SPATA6: variants seen among roughly 807,000 people sequenced by gnomAD.
SPATA6 encodes spermatogenesis associated 6.
Under a neutral mutation model 65.3 loss-of-function variants are expected in SPATA6, and 56 were observed. That is an observed-to-expected ratio of 0.86 (90% CI 0.69 to 1.07). The LOEUF is 1.07. Among genes scored for constraint, SPATA6 ranks in the 50% least tolerant of loss-of-function variants. The pLI is 0.00. For synonymous variants in SPATA6, 199 were observed against 213.2 expected (o/e 0.93, Z 0.58); for missense variants, 590 against 594.8 (o/e 0.99, Z 0.08).
In SPATA6 at chr1:48,423,704, T is replaced by C. The variant is rs370396112; in HGVS notation, c.239-10553A>G. Among the ~76,000 whole-genome samples, 38 of 151,586 alleles carry C rather than the reference T, an allele frequency of 2.5e-4. No homozygotes were observed. The East Asian group carries it at 3.6e-3, about 14-fold the overall frequency. On this transcript the variant is annotated intron_variant, in intron 3 of 12. Coordinates refer to ENST00000371847, the MANE Select transcript of SPATA6 (RefSeq NM_019073.4). ...CTGGAATTATAGGCATCCGCCACCA[T>C]GCCCGGCTAATGTTTGTATTTAGTA... is the stretch of plus-strand genomic sequence containing the variant.
rs763543049 is a variant in SPATA6, at chr1:48,399,628, T to C, written c.503A>G (p.His168Arg). 17 of 1,595,962 alleles carry C rather than the reference T, an allele frequency of 1.1e-5. No individual in the cohort carries two copies. The highest frequency in any genetic ancestry group is 1.5e-5 in the Non-Finnish European group (17 of 1,171,508). Reference protein sequence around the residue: ...KCHTQDKFIYHLAPVEKSHGR... With the variant: ...KCHTQDKFIYRLAPVEKSHGR... ...ATGTGATTTTTCAACTGGAGCCAAA[T>C]GGTAAATAAATTTATCCTAAACATA... Residue 168 changes from histidine to arginine, a missense_variant, in exon 7 of 13, where the codon CAT becomes CGT. Transcript: ENST00000371847.
At chr1:48,284,709 T>G in the SPATA6 span, among the ~76,000 whole-genome samples, 5 of 152,108 alleles carry the variant, frequency 3.3e-5, no homozygotes, top group Admixed American at 6.5e-5. Context: ...TGTGCTGGAG[T>G]TTGCTAGATG....
chr1:48,304,663 A>G (rs1052270550), intron 12 of SPATA6, among the ~76,000 whole-genome samples: 2 of 152,174 alleles, frequency 1.3e-5, no homozygotes, highest in East Asian at 3.9e-4. Flanking sequence ...CTCTTAAAAT[A>G]CAGATTTCCA....
At chr1:48,351,241 G>C (rs1421186086) in intron 11 of SPATA6, among the ~76,000 whole-genome samples, 6 of 151,854 alleles carry the variant, frequency 4.0e-5, no homozygotes, top group African/African-American at 7.2e-5. Context: ...CTTTTCTCTA[G>C]ATCCTTTAGA....
At chr1:48,313,741 C>A (rs865959503) in intron 11 of SPATA6, among the ~76,000 whole-genome samples, 30 of 152,116 alleles carry the variant, frequency 2.0e-4, no homozygotes, top group African/African-American at 7.0e-4. Context: ...TTAAAAGACA[C>A]AGACTGGCAA....
chr1:48,376,035 T>G (rs967035974), intron 9 of SPATA6, among the ~76,000 whole-genome samples: 35 of 152,294 alleles, frequency 2.3e-4, no homozygotes, highest in African/African-American at 8.4e-4. Context: ...AAATATAAAA[T>G]GTTAAAACCA....
At chr1:48,321,382 T>A (rs1272342123) in intron 11 of SPATA6, among the ~76,000 whole-genome samples, 1 of 152,150 alleles carries the variant, frequency 6.6e-6, no homozygotes, top group African/African-American at 2.4e-5. Context: ...GTAGCTAAAC[T>A]GATATCAGAT....
At position 48,305,791 on chromosome 1, in the gene SPATA6, A is replaced by G; in HGVS notation, c.1282T>C (p.Tyr428His). 1 of 1,608,056 alleles carries G rather than the reference A, an allele frequency of 6.2e-7. No homozygotes were observed. Among genetic ancestry groups the G allele is most frequent in the South Asian group, 1.1e-5 (1 of 90,576 alleles). Residue 428 changes from tyrosine (Y) to histidine (H), a missense_variant, in exon 12 of 13, where the codon TAT becomes CAT. Physicochemically the swap from Tyr to His is moderately conservative, Grantham distance 83. Transcript: ENST00000371847. ...RDSAYDSDPEYSSCQQPRGTF... is the reference protein window; with the variant it reads ...RDSAYDSDPEHSSCQQPRGTF... ...ATACATATATTTCATTCATACCTAT[A>G]CTCGGGGTCACTGTCATAGGCAGAG...
At chr1:48,430,566 C>T (rs147453749) in intron 3 of SPATA6, among the ~76,000 whole-genome samples, 18 of 152,092 alleles carry the variant, frequency 1.2e-4, no homozygotes, top group African/African-American at 2.6e-4. Flanking sequence ...GGTAAATATG[C>T]GGGAAGTTAT....
At chr1:48,345,938 T>C (rs563984583) in intron 11 of SPATA6, among the ~76,000 whole-genome samples, 1 of 152,220 alleles carries the variant, frequency 6.6e-6, no homozygotes, top group Admixed American at 6.6e-5. Context: ...GTACTATTCT[T>C]ACTGAAACTA....
chr1:48,309,418 T>G (rs1645143869), intron 11 of SPATA6, among the ~76,000 whole-genome samples: 1 of 152,132 alleles, frequency 6.6e-6, no homozygotes, highest in Non-Finnish European at 1.5e-5. Context: ...TCTGGAGATT[T>G]TCATTTCAAA....
the SPATA6 span, among the ~76,000 whole-genome samples, chr1:48,261,748 T>C: frequency 6.6e-6 from 1 of 152,122 alleles, no homozygotes; most frequent in African/African-American, 2.4e-5. Context: ...TAATACTCAA[T>C]ACAAAGAATT....
At chr1:48,450,429 CA>C (rs1017032426) in intron 3 of SPATA6, among the ~76,000 whole-genome samples, 1 of 150,900 alleles carries the variant, frequency 6.6e-6, no homozygotes, top group African/African-American at 2.4e-5. Context: ...CTCAAAATTT[CA>C]AATCAAATGG....
intron 11 of SPATA6, among the ~76,000 whole-genome samples, chr1:48,332,322 TG>T (rs1396069566): frequency 2.0e-5 from 3 of 152,170 alleles, no homozygotes; most frequent in Non-Finnish European, 4.4e-5. Context: ...CCCAATAGTA[TG>T]CTGTCTTCAA....
intron 1 of SPATA6, among the ~76,000 whole-genome samples, chr1:48,464,596 G>A (rs1264694732): frequency 5.3e-5 from 8 of 152,118 alleles, no homozygotes; most frequent in African/African-American, 1.7e-4. Flanking sequence ...GGGAAAAAAG[G>A]GCTATTGCCT....
chr1:48,282,602 C>G, the SPATA6 span, among the ~76,000 whole-genome samples: 7 of 152,052 alleles, frequency 4.6e-5, no homozygotes, highest in Non-Finnish European at 7.4e-5. Flanking sequence ...CATCACTGGC[C>G]ATCAGAGAAA....
intron 11 of SPATA6, among the ~76,000 whole-genome samples, chr1:48,346,170 T>C (rs1184692861): frequency 1.3e-5 from 2 of 152,072 alleles, no homozygotes; most frequent in Non-Finnish European, 2.9e-5. Context: ...GCAAGGTTGG[T>C]TCAACATTAC....
chr1:48,290,519 G>A (rs1418268249), downstream of SPATA6, among the ~76,000 whole-genome samples: 1 of 152,100 alleles, frequency 6.6e-6, no homozygotes, highest in Non-Finnish European at 1.5e-5. Context: ...ATGTAAATGG[G>A]CTAAATGCTC....
In SPATA6 at chr1:48,442,653, C is replaced by A. The variant is rs545567397; in HGVS notation, c.238+8899G>T. On this transcript the variant is annotated intron_variant, in intron 3 of 12. Coordinates refer to ENST00000371847, the MANE Select transcript of SPATA6 (RefSeq NM_019073.4). ...TCAAAGAGAGAAAGGAAGAAACAGA[C>A]AAAGAGGGAGTCAGAAAGAGAGAAA... Among the ~76,000 whole-genome samples the A allele has an allele frequency of 1.3e-4, 15 of 117,662 alleles. 1 individual carries two copies. In the South Asian group the frequency reaches 4.2e-3, roughly 33 times the overall value. The allele number at this position is 117,662 out of a possible 152,430, so 77.2% of individuals were successfully genotyped here.
Sources: gnomAD v4.1 joint callset for allele counts (sites outside exome capture counted in the v4.1 genomes callset) on GRCh38, gnomAD v4.1.1 for gene constraint, MANE v1.5 for transcripts, NCBI Gene and HGNC (gene_info 2026-07-23, HGNC 2026-07-21) for gene names.